MTREX: variants seen among roughly 807,000 people sequenced by gnomAD.
The protein encoded by MTREX is Mtr4 exosome RNA helicase, also known as exosome RNA helicase MTR4.
Under a neutral mutation model 135.4 loss-of-function variants are expected in MTREX, and 76 were observed. The ratio of observed to expected loss-of-function variants is 0.56; its 90% CI spans 0.47 to 0.68. MTREX has a LOEUF of 0.68. Ranked by LOEUF, MTREX falls within the 30% of genes least tolerant of loss-of-function variation. The pLI, the probability that MTREX is intolerant of heterozygous loss-of-function variation, is 0.00. For synonymous variants in MTREX, 404 were observed against 401.6 expected (o/e 1.01, Z -0.07); for missense variants, 920 against 1,262.1 (o/e 0.73, Z 4.11).
chr5:55,388,007 G>C lies in MTREX; in HGVS notation c.2086G>C (p.Val696Leu), dbSNP rs777865079. 2.4e-5 allele frequency: 39 copies of C among 1,604,580 alleles called. No individual in the cohort carries two copies. Among genetic ancestry groups the C allele is most frequent in the Non-Finnish European group, 3.2e-5 (38 of 1,173,438 alleles). Residue 696 changes from valine to leucine, a missense_variant, in exon 19 of 27, where the codon GTA (valine) becomes CTA (leucine). Coordinates refer to ENST00000230640, the MANE Select transcript of MTREX (RefSeq NM_015360.5). ...TGGTGAACTGGATCCTTTGTATGTA[G>C]TAGAAGTACTTCTGCGCTGTAGCAA... ...NSGELDPLYV[V>L]EVLLRCSKES...
At chr5:55,308,959 A>G (rs994471069) in intron 1 of MTREX, among the ~76,000 whole-genome samples, 1 of 152,232 alleles carries the variant, frequency 6.6e-6, no homozygotes, top group African/African-American at 2.4e-5. Context: ...TTTTCGGTGT[A>G]GGGAAAGAGA....
intron 22 of MTREX, among the ~76,000 whole-genome samples, chr5:55,406,445 C>G (rs1440768017): frequency 6.6e-6 from 1 of 152,172 alleles, no homozygotes; most frequent in East Asian, 1.9e-4. Context: ...TACATGGTAG[C>G]TGAAGGCTCC....
At chr5:55,390,258 G>A (rs182379193) in intron 19 of MTREX, among the ~76,000 whole-genome samples, 60 of 152,008 alleles carry the variant, frequency 3.9e-4, no homozygotes, top group Non-Finnish European at 7.5e-4. Context: ...GTTCGCCGCC[G>A]TGCCCGGCTA....
chr5:55,376,140 C>T (rs936822635), intron 16 of MTREX, among the ~76,000 whole-genome samples: 1 of 152,182 alleles, frequency 6.6e-6, no homozygotes, highest in African/African-American at 2.4e-5. Flanking sequence ...CAGCTCTAGG[C>T]ACAATGGATA....
intron 16 of MTREX, among the ~76,000 whole-genome samples, chr5:55,374,812 G>A (rs187276877): frequency 1.4e-4 from 21 of 152,254 alleles, no homozygotes; most frequent in Non-Finnish European, 2.2e-4. Flanking sequence ...AAAATAGACC[G>A]AAAACCAATA....
chr5:55,408,248 T>C (rs1333777828), intron 22 of MTREX, among the ~76,000 whole-genome samples: 3 of 152,232 alleles, frequency 2.0e-5, no homozygotes, highest in Non-Finnish European at 2.9e-5. Flanking sequence ...TTCTTGCATA[T>C]TTTTGCAAAG....
intron 12 of MTREX, 111 bp downstream of exon 12, chr5:55,349,763 A>C (rs751266355): frequency 3.2e-6 from 2 of 631,178 alleles, no homozygotes; most frequent in Non-Finnish European, 5.7e-6. Flanking sequence ...ACTGTAGCAT[A>C]TGGGTTGTGA....
At chr5:55,407,983 C>T (rs983432117) in intron 22 of MTREX, among the ~76,000 whole-genome samples, 3 of 152,074 alleles carry the variant, frequency 2.0e-5, no homozygotes, top group African/African-American at 7.2e-5. Context: ...GTCTTGAACT[C>T]CTGTAATTAA....
In MTREX at chr5:55,378,457, C is replaced by G. The variant is rs993513692; in HGVS notation, c.1954C>G (p.Pro652Ala). ...EYIHKPKYCL[P>A]FLQPGRLVKV... ...TATTCACAAACCAAAATACTGCTTA[C>G]CTTTTCTACAACCAGGTCGTTTGGT... The change falls in exon 17 of 27, where the codon CCT (proline) becomes GCT (alanine). Residue 652 changes from proline to alanine, a missense_variant. Around this residue, in one of 6 missense-constraint regions of MTREX, gnomAD observed 467 missense variants for 589.7 expected, o/e 0.79. Coordinates refer to ENST00000230640, the MANE Select transcript of MTREX (RefSeq NM_015360.5). 22 of 1,609,128 alleles carry G rather than the reference C, an allele frequency of 1.4e-5. No homozygotes were observed. Among genetic ancestry groups the G allele is most frequent in the Non-Finnish European group, 1.8e-5 (21 of 1,178,496 alleles).
At chr5:55,400,626 A>G (rs1023098309) in intron 21 of MTREX, among the ~76,000 whole-genome samples, 2 of 152,230 alleles carry the variant, frequency 1.3e-5, no homozygotes, top group African/African-American at 4.8e-5. Flanking sequence ...GATATTTCAC[A>G]TAGGATGTTC....
intron 14 of MTREX, among the ~76,000 whole-genome samples, chr5:55,354,695 G>A (rs1322263785): frequency 6.6e-6 from 1 of 152,156 alleles, no homozygotes; most frequent in Non-Finnish European, 1.5e-5. Context: ...GGGAAAAGCT[G>A]AGTAGAGCTG....
chr5:55,387,589 CATT>C (rs1750498487), intron 18 of MTREX, among the ~76,000 whole-genome samples: 1 of 152,022 alleles, frequency 6.6e-6, no homozygotes, highest in Non-Finnish European at 1.5e-5. Flanking sequence ...ATTGGAACCA[CATT>C]ATAGAAATGC....
chr5:55,329,680 A>AATTTCCTTTTCAAATTACAAATTTCC (rs1749438765), intron 5 of MTREX, among the ~76,000 whole-genome samples: 1 of 152,100 alleles, frequency 6.6e-6, no homozygotes, highest in Non-Finnish European at 1.5e-5. Context: ...TTGGTATGGA[A>AATTTCCTTTTCAAATTACAAATTTCC]TTGTAATTTT....
chr5:55,374,892 C>T (rs1389196804), intron 16 of MTREX, among the ~76,000 whole-genome samples: 3 of 152,056 alleles, frequency 2.0e-5, no homozygotes, highest in African/African-American at 7.2e-5. Context: ...TTTCCTTAAG[C>T]GTTGGCCAGC....
At chr5:55,319,437 G>C (rs1043027464) in intron 1 of MTREX, among the ~76,000 whole-genome samples, 25 of 152,308 alleles carry the variant, frequency 1.6e-4, no homozygotes, top group African/African-American at 5.8e-4. Context: ...GTTAGAGATT[G>C]ATTTTTATCC....
rs765832881 is a variant in MTREX at position 55,388,092 on chromosome 5, G to C, written c.2171G>C (p.Gly724Ala). 1.9e-6 allele frequency: 3 copies of C among 1,605,528 alleles called. No individual in the cohort carries two copies. Among genetic ancestry groups the C allele is most frequent in the South Asian group, 2.2e-5 (2 of 89,994 alleles). The change falls in exon 19 of 27, where the codon GGA becomes GCA. Residue 724 changes from glycine to alanine, a missense_variant. Gly to Ala is a moderately conservative substitution (Grantham distance 60). Around this residue, in one of 6 missense-constraint regions of MTREX, gnomAD observed 467 missense variants for 589.7 expected, o/e 0.79. Transcript: ENST00000230640. The stretch of plus-strand genomic sequence containing the variant: ...AAACCAGCTAAACCTGATGAGAAAG[G>C]AGAGATGCAGGTTTGTACATAACTT... ...AAKPAKPDEK[G>A]EMQVVPVLVH... is the part of the protein sequence containing the mutation.
chr5:55,340,245 G>A, intron 6 of MTREX, 61 bp downstream of exon 6: 1 of 1,316,516 alleles, frequency 7.6e-7, no homozygotes, highest in African/African-American at 1.5e-5. Flanking sequence ...TGACTATTCA[G>A]TTAGAACCTG....
At chr5:55,412,541 G>C (rs1750899056) in intron 23 of MTREX, among the ~76,000 whole-genome samples, 1 of 152,172 alleles carries the variant, frequency 6.6e-6, no homozygotes, top group Non-Finnish European at 1.5e-5. Context: ...TAGGGGTGAA[G>C]GTTTTTGGAG....
At chr5:55,348,026 C>T (rs1174891594) in intron 11 of MTREX, among the ~76,000 whole-genome samples, 1 of 152,202 alleles carries the variant, frequency 6.6e-6, no homozygotes, top group Non-Finnish European at 1.5e-5. Context: ...TCCCACAACA[C>T]ATGGGAATCA....
Sources: gnomAD v4.1 joint callset for allele counts (sites outside exome capture counted in the v4.1 genomes callset) on GRCh38, gnomAD v4.1.1 for gene constraint, gnomAD v4.1.1 regional missense constraint, MANE v1.5 for transcripts, NCBI Gene and HGNC (gene_info 2026-07-23, HGNC 2026-07-21) for gene names.